CFAP61: variants seen among roughly 807,000 people sequenced by gnomAD.
CFAP61 encodes cilia and flagella associated protein 61, also known as cilia- and flagella-associated protein 61.
A neutral mutation model predicts 135.6 loss-of-function variants in CFAP61; 107 were observed. That is an observed-to-expected ratio of 0.79 (90% CI 0.67 to 0.93). The LOEUF (loss-of-function observed/expected upper bound fraction) is 0.93, where lower values mean the gene tolerates loss of function less well. Ranked by LOEUF, CFAP61 falls within the 40% of genes least tolerant of loss-of-function variation. The pLI, the probability that CFAP61 is intolerant of heterozygous loss-of-function variation, is 0.00. For missense variants in CFAP61, 1,507 were observed against 1,556.2 expected (o/e 0.97, Z 0.53); for synonymous variants, 575 against 578.5 (o/e 0.99, Z 0.09).
At chr20:20,060,352 A>G (rs2044705459) in intron 2 of CFAP61, among the ~76,000 whole-genome samples, 4 of 152,234 alleles carry the variant, frequency 2.6e-5, no homozygotes, top group Admixed American at 2.0e-4. Context: ...GGAGGAACAG[A>G]GAATACCTCA....
intron 8 of CFAP61, among the ~76,000 whole-genome samples, chr20:20,106,647 T>A (rs1161923446): frequency 6.6e-6 from 1 of 152,236 alleles, no homozygotes; most frequent in South Asian, 2.1e-4. Flanking sequence ...GGGATGTCTC[T>A]TTTGCCCATA....
At chr20:20,167,543 C>T (rs2053926793) in intron 12 of CFAP61, among the ~76,000 whole-genome samples, 2 of 152,240 alleles carry the variant, frequency 1.3e-5, no homozygotes, top group East Asian at 1.9e-4. Flanking sequence ...TATTTGACTT[C>T]GGAACATGGA....
At chr20:20,081,959 G>A (rs1052038463) in intron 6 of CFAP61, among the ~76,000 whole-genome samples, 1 of 152,222 alleles carries the variant, frequency 6.6e-6, no homozygotes, top group Non-Finnish European at 1.5e-5. Flanking sequence ...CCTGCAGAAG[G>A]TAGAGAGTGT....
intron 17 of CFAP61, among the ~76,000 whole-genome samples, chr20:20,218,683 A>G (rs1569147876): frequency 6.6e-6 from 1 of 152,130 alleles, no homozygotes; most frequent in Non-Finnish European, 1.5e-5. Flanking sequence ...CTGTCCCCCA[A>G]CCTAATGAGA....
chr20:20,287,038 A>G (rs1399505419), intron 22 of CFAP61, among the ~76,000 whole-genome samples: 1 of 152,220 alleles, frequency 6.6e-6, no homozygotes, highest in East Asian at 1.9e-4. Flanking sequence ...CTTTCTATAT[A>G]TTTATCTGGG....
chr20:20,081,877 G>A (rs1232183467), intron 6 of CFAP61, among the ~76,000 whole-genome samples: 1 of 152,208 alleles, frequency 6.6e-6, no homozygotes, highest in East Asian at 1.9e-4. Flanking sequence ...AGGAAGGGAT[G>A]TTTATTAGAA....
intron 24 of CFAP61, among the ~76,000 whole-genome samples, chr20:20,296,326 C>CCCTTCCTTCCTTCCTTCCCT (rs56388322): frequency 2.9e-4 from 10 of 34,682 alleles, no homozygotes; most frequent in African/African-American, 1.1e-3. Flanking sequence ...CTCCTTCCTT[C>CCCTTCCTTCCTTCCTTCCCT]CCTTCCTTCC....
intron 21 of CFAP61, among the ~76,000 whole-genome samples, chr20:20,266,654 T>C (rs1312270074): frequency 6.6e-6 from 1 of 152,154 alleles, no homozygotes; most frequent in East Asian, 1.9e-4. Flanking sequence ...AATTCATCCT[T>C]AGTAATGAGA....
chr20:20,324,282 C>A (rs958241167), intron 25 of CFAP61, among the ~76,000 whole-genome samples: 3 of 152,122 alleles, frequency 2.0e-5, no homozygotes, highest in African/African-American at 7.2e-5. Context: ...GAACTTTTCT[C>A]CCTCCGCTCA....
chr20:20,184,299 A>G (rs1451072951), intron 13 of CFAP61, among the ~76,000 whole-genome samples: 1 of 152,218 alleles, frequency 6.6e-6, no homozygotes, highest in Non-Finnish European at 1.5e-5. Flanking sequence ...CTTCATGATT[A>G]GTTCACTTGA....
intron 25 of CFAP61, among the ~76,000 whole-genome samples, chr20:20,315,248 A>G (rs1189225783): frequency 6.6e-6 from 1 of 151,766 alleles, no homozygotes; most frequent in East Asian, 1.9e-4. Flanking sequence ...GTGAGATGGT[A>G]TCTCATTGTG....
rs975549300 is a variant in CFAP61, at chr20:20,067,678, A to G, written c.144-3176A>G. Among the ~76,000 whole-genome samples, 6 of 138,756 alleles carry G rather than the reference A, an allele frequency of 4.3e-5. No homozygotes were observed. In the South Asian group the frequency reaches 8.8e-4, roughly 20 times the overall value. 91.0% of individuals were successfully genotyped at this position (138,756 alleles called of 152,430 possible). ...ATATATATATAATATATATATTTAT[A>G]TTATATATAATTTTTTTATATATTC... On this transcript the variant is annotated intron_variant, in intron 2 of 26. Coordinates refer to ENST00000245957, the MANE Select transcript of CFAP61 (RefSeq NM_015585.4).
Position 20,192,265 on chromosome 20 carries a change from A to C in CFAP61, c.1590+846A>C, listed in dbSNP as rs6046717. Among the ~76,000 whole-genome samples, 3 of 151,630 alleles carry C rather than the reference A, an allele frequency of 2.0e-5. No individual in the cohort carries two copies. In the South Asian group the frequency reaches 6.3e-4, roughly 32 times the overall value. Reference sequence around the variant, plus strand: ...TCAAAAACGTCTTGTGGCTTCTTTCATGTGGTTTTCTTTGCATCGTATTTT... The same window carrying C: ...TCAAAAACGTCTTGTGGCTTCTTTCCTGTGGTTTTCTTTGCATCGTATTTT... On this transcript the variant is annotated intron_variant, in intron 15 of 26. Coordinates refer to ENST00000245957, the MANE Select transcript of CFAP61 (RefSeq NM_015585.4).
chr20:20,279,318 A>G (rs2054005056), intron 22 of CFAP61, among the ~76,000 whole-genome samples: 2 of 152,338 alleles, frequency 1.3e-5, no homozygotes, highest in South Asian at 2.1e-4. Flanking sequence ...AAACTTAGCT[A>G]CTAAAAGCCT....
intron 10 of CFAP61, among the ~76,000 whole-genome samples, chr20:20,162,030 G>C (rs561390797): frequency 6.6e-6 from 1 of 152,192 alleles, no homozygotes; most frequent in Admixed American, 6.5e-5. Flanking sequence ...TGAGCTTCAG[G>C]TGTAGACAGG....
At chr20:20,315,908 G>A (rs1301913233) in intron 25 of CFAP61, among the ~76,000 whole-genome samples, 1 of 152,058 alleles carries the variant, frequency 6.6e-6, no homozygotes, top group Non-Finnish European at 1.5e-5. Context: ...TCTCTGTTTT[G>A]GTACCAGTAC....
intron 13 of CFAP61, among the ~76,000 whole-genome samples, chr20:20,178,372 A>G (rs2054792269): frequency 6.6e-6 from 1 of 152,106 alleles, no homozygotes; most frequent in South Asian, 2.1e-4. Flanking sequence ...TGATTCTTCT[A>G]TTTCCGCTGC....
intron 25 of CFAP61, among the ~76,000 whole-genome samples, chr20:20,299,925 G>A (rs1044442043): frequency 6.6e-6 from 1 of 152,208 alleles, no homozygotes; most frequent in Non-Finnish European, 1.5e-5. Context: ...GAACATGCAC[G>A]TCTTCAACTT....
At chr20:20,184,076 T>C (rs2055319481) in intron 13 of CFAP61, among the ~76,000 whole-genome samples, 1 of 152,226 alleles carries the variant, frequency 6.6e-6, no homozygotes, top group Non-Finnish European at 1.5e-5. Context: ...GAACATTTAT[T>C]GGGCACCACT....
Sources: allele counts gnomAD v4.1 joint callset (sites outside exome capture counted in the v4.1 genomes callset), GRCh38; gene constraint gnomAD v4.1.1; transcripts MANE v1.5; gene names NCBI Gene and HGNC (gene_info 2026-07-23, HGNC 2026-07-21).